CPA6: variants seen among roughly 807,000 people sequenced by gnomAD.
CPA6 encodes carboxypeptidase A6.
In CPA6, 58 loss-of-function variants were observed where a neutral mutation model predicts 63.3. The ratio of observed to expected loss-of-function variants is 0.92; its 90% CI spans 0.74 to 1.14. CPA6 has a LOEUF of 1.14. Among genes scored for constraint, CPA6 ranks in the 50% most tolerant of loss-of-function variants. The pLI, the probability that CPA6 is intolerant of heterozygous loss-of-function variation, is 0.00. For missense variants in CPA6, 565 were observed against 526.6 expected (o/e 1.07, Z -0.71); for synonymous variants, 185 against 179.0 (o/e 1.03, Z -0.27).
At chr8:67,461,105 G>C (rs147175037) in intron 8 of CPA6, among the ~76,000 whole-genome samples, 132 of 141,884 alleles carry the variant, frequency 9.3e-4, no homozygotes, top group African/African-American at 2.8e-3. Context: ...GGTGTTTCTC[G>C]CAGAGGGGGA....
chr8:67,688,564 G>A (rs1294990046), intron 1 of CPA6, among the ~76,000 whole-genome samples: 2 of 152,098 alleles, frequency 1.3e-5, no homozygotes, highest in South Asian at 2.1e-4. Flanking sequence ...CAAGGGAATC[G>A]TATTGCAGGC....
chr8:67,584,784 GT>G (rs894237004), intron 2 of CPA6, among the ~76,000 whole-genome samples: 3 of 152,172 alleles, frequency 2.0e-5, no homozygotes, highest in African/African-American at 7.2e-5. Flanking sequence ...ATGGAAGGGA[GT>G]TGGGGGTAGG....
At chr8:67,583,549 G>A (rs1412157523) in intron 2 of CPA6, among the ~76,000 whole-genome samples, 1 of 151,992 alleles carries the variant, frequency 6.6e-6, no homozygotes, top group African/African-American at 2.4e-5. Context: ...AAGTCTGTAG[G>A]GGGTGTTTTA....
intron 1 of CPA6, among the ~76,000 whole-genome samples, chr8:67,659,495 T>C (rs538829953): frequency 5.3e-5 from 8 of 152,228 alleles, no homozygotes; most frequent in Non-Finnish European, 8.8e-5. Flanking sequence ...AATTATAACA[T>C]TGGCTGCTTT....
At chr8:67,554,095 C>T (rs1813008040) in intron 2 of CPA6, among the ~76,000 whole-genome samples, 1 of 152,086 alleles carries the variant, frequency 6.6e-6, no homozygotes, top group Non-Finnish European at 1.5e-5. Context: ...TAGAGAGACA[C>T]ATGAAAAAGG....
intron 2 of CPA6, among the ~76,000 whole-genome samples, chr8:67,547,645 C>T (rs373244702): frequency 1.3e-5 from 2 of 151,936 alleles, no homozygotes; most frequent in East Asian, 3.9e-4. Context: ...CAGGTGAATG[C>T]CACCATGCTC....
intron 1 of CPA6, among the ~76,000 whole-genome samples, chr8:67,730,813 T>C (rs1257872416): frequency 6.6e-6 from 1 of 152,216 alleles, no homozygotes; most frequent in Non-Finnish European, 1.5e-5. Flanking sequence ...GACTTTCCAT[T>C]GTCCCATACA....
At chr8:67,632,156 G>C (rs545580153) in intron 1 of CPA6, among the ~76,000 whole-genome samples, 3 of 83,254 alleles carry the variant, frequency 3.6e-5, no homozygotes, top group African/African-American at 1.7e-4. Context: ...TGCTGTGTGT[G>C]TGTGTGTGTG....
chr8:67,491,560 G>A (rs1201025222), intron 6 of CPA6, among the ~76,000 whole-genome samples: 3 of 151,998 alleles, frequency 2.0e-5, no homozygotes, highest in Non-Finnish European at 1.5e-5. Flanking sequence ...TATACTACTA[G>A]ATACATGTCT....
intron 6 of CPA6, among the ~76,000 whole-genome samples, chr8:67,501,668 C>T (rs968425258): frequency 6.6e-6 from 1 of 152,020 alleles, no homozygotes; most frequent in Non-Finnish European, 1.5e-5. Flanking sequence ...ATACTTTATT[C>T]AGGATTTCTG....
At chr8:67,533,204 T>C (rs1812515277) in intron 2 of CPA6, among the ~76,000 whole-genome samples, 1 of 152,186 alleles carries the variant, frequency 6.6e-6, no homozygotes, top group African/African-American at 2.4e-5. Context: ...TCCATATCTA[T>C]ATCCTGGAGT....
At chr8:67,548,910 A>C (rs967040532) in intron 2 of CPA6, among the ~76,000 whole-genome samples, 4 of 152,138 alleles carry the variant, frequency 2.6e-5, no homozygotes, top group African/African-American at 9.7e-5. Context: ...GGGTCCTGTG[A>C]CCCTCGTGTC....
chr8:67,549,042 T>C (rs1366405671), intron 2 of CPA6, among the ~76,000 whole-genome samples: 1 of 152,204 alleles, frequency 6.6e-6, no homozygotes. Context: ...AGGATCTACA[T>C]AATGATATTG....
At chr8:67,425,033 G>C (rs1809853480) in intron 10 of CPA6, among the ~76,000 whole-genome samples, 1 of 152,140 alleles carries the variant, frequency 6.6e-6, no homozygotes, top group South Asian at 2.1e-4. Flanking sequence ...AAAAGAGACT[G>C]ATAATACAGT....
intron 2 of CPA6, among the ~76,000 whole-genome samples, chr8:67,530,921 T>G (rs190020064): frequency 3.2e-3 from 487 of 152,348 alleles, no homozygotes; most frequent in Non-Finnish European, 5.6e-3. Context: ...CTCATAGTTC[T>G]TATATCTAAC....
At chr8:67,681,195 A>ATTTTTTTTTTTTTTTTT (rs1554533441) in intron 1 of CPA6, among the ~76,000 whole-genome samples, 69 of 97,096 alleles carry the variant, frequency 7.1e-4, no homozygotes, top group African/African-American at 2.4e-3. Context: ...GGTCACAAAG[A>ATTTTTTTTTTTTTTTTT]TTTTCTTTTT....
intron 1 of CPA6, among the ~76,000 whole-genome samples, chr8:67,633,893 A>G (rs928728279): frequency 4.0e-5 from 4 of 100,818 alleles, no homozygotes; most frequent in African/African-American, 2.2e-4. Flanking sequence ...TCTCCCCCCA[A>G]ATGTTTTCCT....
At chr8:67,671,372 C>T (rs1418528497) in intron 1 of CPA6, among the ~76,000 whole-genome samples, 6 of 152,170 alleles carry the variant, frequency 3.9e-5, no homozygotes, top group African/African-American at 1.2e-4. Flanking sequence ...CCACTGCAGC[C>T]CACTCAGCAG....
chr8:67,699,158 C>T lies in CPA6; in HGVS notation c.116+46856G>A, dbSNP rs77011062. ...ACAGGCCAGGTTTAGTGGCTCACGC[C>T]TATAATCCCAGCACCTTGGGAGGCC... On this transcript the variant is annotated intron_variant, in intron 1 of 10. Transcript: ENST00000297770. Among the ~76,000 whole-genome samples the T allele has an allele frequency of 7.2e-3, 1,098 of 152,300 alleles. 18 individuals are homozygous for T. The highest frequency in any genetic ancestry group is 0.025 in the African/African-American group (1,039 of 41,568).
Sources: allele counts gnomAD v4.1 joint callset (sites outside exome capture counted in the v4.1 genomes callset), GRCh38; gene constraint gnomAD v4.1.1; transcripts MANE v1.5; gene names NCBI Gene and HGNC (gene_info 2026-07-23, HGNC 2026-07-21).